KNSTRN: variants seen among roughly 807,000 people sequenced by gnomAD.
The protein encoded by KNSTRN is kinetochore localized astrin (SPAG5) binding protein.
A neutral mutation model predicts 44.7 loss-of-function variants in KNSTRN; 38 were observed. That is an observed-to-expected ratio of 0.85 (90% CI 0.66 to 1.11). KNSTRN has a LOEUF of 1.11. KNSTRN is among the 50% of genes most tolerant of loss of function. KNSTRN has a pLI of 0.00. For synonymous variants in KNSTRN, 158 were observed against 148.1 expected (o/e 1.07, Z -0.48); for missense variants, 406 against 375.8 (o/e 1.08, Z -0.66).
intron 4 of KNSTRN, among the ~76,000 whole-genome samples, chr15:40,388,062 T>A (rs1453242842): frequency 6.6e-6 from 1 of 152,164 alleles, no homozygotes; most frequent in African/African-American, 2.4e-5. Context: ...CTGAGAACTT[T>A]AAGAAAAAAC....
intron 4 of KNSTRN, among the ~76,000 whole-genome samples, chr15:40,387,860 T>A (rs8034859): frequency 6.6e-6 from 1 of 151,604 alleles, no homozygotes; most frequent in Non-Finnish European, 1.5e-5. Context: ...ATACAAAAAT[T>A]AGCCAGGCAT....
Position 40,386,446 on chromosome 15 carries a change from G to A in KNSTRN, c.389G>A (p.Gly130Asp), listed in dbSNP as rs1256552875. 2.5e-6 allele frequency: 4 copies of A among 1,613,944 alleles called. No homozygotes were observed. In the East Asian group the frequency reaches 8.9e-5, roughly 36 times the overall value. ...GTTTCCAAACAGCTTCATTCAGGAG[G>A]TCCAGAGAATGATGTTACAAAAATC... Reference protein sequence around the residue: ...VDVSKQLHSGGPENDVTKITK... With the variant: ...VDVSKQLHSGDPENDVTKITK... The change falls in exon 3 of 9, where the codon GGT (glycine) becomes GAT (aspartate). Residue 130 changes from glycine to aspartate, a missense_variant. Physicochemically the swap from Gly to Asp is moderately conservative, Grantham distance 94. Coordinates refer to ENST00000249776, the MANE Select transcript of KNSTRN (RefSeq NM_033286.4).
intron 1 of KNSTRN, 48 bp from the exon 2 acceptor site, chr15:40,383,180 C>T (rs1402749334): frequency 2.5e-6 from 4 of 1,586,596 alleles, no homozygotes; most frequent in East Asian, 2.2e-5. Context: ...TCCACTCTCT[C>T]GGGCCCAGTG....
chr15:40,383,720 G>T (rs538059483), intron 2 of KNSTRN, among the ~76,000 whole-genome samples: 2 of 152,218 alleles, frequency 1.3e-5, no homozygotes, highest in South Asian at 4.2e-4. Context: ...GGATACTTAG[G>T]GTTCTTTGTT....
chr15:40,382,949 C>G lies in KNSTRN; in HGVS notation c.114C>G (p.Thr38=). ...PPSYRKFLFE[T]QAADLAGGTT... is the part of the protein sequence containing the mutation. The stretch of plus-strand genomic sequence containing the variant: ...GCTACCGGAAGTTTCTATTTGAAAC[C>G]CAGGCGGCCGACTTAGCCGGTGGCA... The change falls in exon 1 of 9, where the codon ACC becomes ACG. Residue 38 remains threonine, a synonymous_variant. Coordinates refer to ENST00000249776, the MANE Select transcript of KNSTRN (RefSeq NM_033286.4). 4 of 1,612,316 alleles carry G rather than the reference C, an allele frequency of 2.5e-6. No homozygotes were observed. Among genetic ancestry groups the G allele is most frequent in the Non-Finnish European group, 3.4e-6 (4 of 1,180,042 alleles).
chr15:40,387,996 A>C (rs1889930433), intron 4 of KNSTRN, among the ~76,000 whole-genome samples: 1 of 152,226 alleles, frequency 6.6e-6, no homozygotes, highest in Non-Finnish European at 1.5e-5. Context: ...TGACAGAGCA[A>C]GACTCTGACT....
At chr15:40,391,668 T>C in intron 7 of KNSTRN, 114 bp downstream of exon 7, 2 of 883,698 alleles carry the variant, frequency 2.3e-6, no homozygotes, top group Non-Finnish European at 3.6e-6. Flanking sequence ...TTTGATTATC[T>C]GTGATGCTAG....
At chr15:40,386,257 G>C (rs960597329) in intron 2 of KNSTRN, 105 bp from the exon 3 acceptor site, 5 of 1,200,460 alleles carry the variant, frequency 4.2e-6, no homozygotes, top group African/African-American at 1.5e-5. Flanking sequence ...TTAAAATAAA[G>C]TAAAATAAAG....
intron 8 of KNSTRN, among the ~76,000 whole-genome samples, 163 bp downstream of exon 8, chr15:40,392,186 G>GTA (rs1890010628): frequency 6.7e-6 from 1 of 148,996 alleles, no homozygotes; most frequent in Admixed American, 6.7e-5. Context: ...ATAGTAACGT[G>GTA]TTTTTTTTTT....
At position 40,393,637 on chromosome 15, in the gene KNSTRN, A is replaced by T; in HGVS notation, c.*40A>T. ...CCAGATGGCTCCCTCTTGGGCATAA[A>T]ATCTCAGAGGAAGCTACTTAGGACA... On this transcript the variant is annotated 3_prime_UTR_variant, in exon 9 of 9. Coordinates refer to ENST00000249776, the MANE Select transcript of KNSTRN (RefSeq NM_033286.4). 6.3e-7 allele frequency: 1 copy of T among 1,587,392 alleles called. No homozygotes were observed. The highest frequency in any genetic ancestry group is 8.6e-7 in the Non-Finnish European group (1 of 1,162,732).
chr15:40,385,951 A>G (rs564175503), intron 2 of KNSTRN, among the ~76,000 whole-genome samples: 1 of 152,396 alleles, frequency 6.6e-6, no homozygotes, highest in Non-Finnish European at 1.5e-5. Context: ...GAAATTTGCC[A>G]GAATGAAAAT....
At chr15:40,387,019 T>G (rs904881326) in intron 3 of KNSTRN, 140 bp from the exon 4 acceptor site, 30 of 702,466 alleles carry the variant, frequency 4.3e-5, no homozygotes, top group Non-Finnish European at 6.4e-5. Flanking sequence ...GCATAGTCTC[T>G]CAGAGCTCTT....
At chr15:40,384,335 C>G (rs1365795812) in intron 2 of KNSTRN, 1 of 377,438 alleles carries the variant, frequency 2.6e-6, no homozygotes, top group Non-Finnish European at 5.3e-6. Context: ...TATTGCGCCA[C>G]TGCACTCCAG....
Position 40,392,693 on chromosome 15 carries a change from C to T in KNSTRN, c.822+670C>T, listed in dbSNP as rs770826062. ...TGGCGTGATCTCGGCTCACTGCAACCTCCGCCTCCCGGGTTCAAGCGATTT... is the reference window on the plus strand; with the variant it reads ...TGGCGTGATCTCGGCTCACTGCAACTTCCGCCTCCCGGGTTCAAGCGATTT... On this transcript the variant is annotated intron_variant, in intron 8 of 8. Transcript: ENST00000249776. Among the ~76,000 whole-genome samples the T allele has an allele frequency of 3.3e-5, 5 of 152,304 alleles. No individual in the cohort carries two copies. In the South Asian group the frequency reaches 8.3e-4, roughly 25 times the overall value.
chr15:40,390,015 C>T (rs1262535259), intron 6 of KNSTRN, 86 bp downstream of exon 6: 3 of 1,053,046 alleles, frequency 2.8e-6, no homozygotes, highest in Non-Finnish European at 4.5e-6. Flanking sequence ...ATGGCATCAG[C>T]TGGCCCAGTA....
At chr15:40,393,367 TA>T (rs1194287493) in intron 8 of KNSTRN, 101 bp from the exon 9 acceptor site, 3 of 1,590,460 alleles carry the variant, frequency 1.9e-6, no homozygotes, top group Non-Finnish European at 1.7e-6. Context: ...TGGTCTTCCT[TA>T]GTGGAATAGG....
intron 2 of KNSTRN, chr15:40,385,043 C>A (rs1022934331): frequency 1.3e-5 from 2 of 152,276 alleles, no homozygotes; most frequent in Admixed American, 1.3e-4. Context: ...TGATATTCCT[C>A]CAAGATTACC....
intron 4 of KNSTRN, among the ~76,000 whole-genome samples, chr15:40,387,464 A>G (rs1212890123): frequency 6.6e-6 from 1 of 152,192 alleles, no homozygotes; most frequent in African/African-American, 2.4e-5. Flanking sequence ...TGCTGATTGG[A>G]AATCACACTT....
chr15:40,382,863 G>C lies in KNSTRN; in HGVS notation c.28G>C (p.Asp10His). The stretch of plus-strand genomic sequence containing the variant: ...GGCGGCTCCCGAAGCCCCGCCCCTG[G>C]ACAGAGTTTTCCGTACAACATGGCT... MAAPEAPPL[D>H]RVFRTTWLST... Residue 10 changes from aspartate (D) to histidine (H), a missense_variant, in exon 1 of 9, where the codon GAC becomes CAC. By Grantham distance (81) the Asp-to-His change is moderately conservative. Coordinates refer to ENST00000249776, the MANE Select transcript of KNSTRN (RefSeq NM_033286.4). 6.2e-7 allele frequency: 1 copy of C among 1,612,042 alleles called. No individual in the cohort carries two copies. The highest frequency in any genetic ancestry group is 8.5e-7 in the Non-Finnish European group (1 of 1,179,912).
Sources: gnomAD v4.1 joint callset for allele counts (sites outside exome capture counted in the v4.1 genomes callset) on GRCh38, gnomAD v4.1.1 for gene constraint, MANE v1.5 for transcripts, NCBI Gene and HGNC (gene_info 2026-07-23, HGNC 2026-07-21) for gene names.